Variants in BRINP3 observed in about 807,000 individuals in gnomAD.
BRINP3 encodes BMP/retinoic acid-inducible neural-specific protein 3.
Under a neutral mutation model 71.0 loss-of-function variants are expected in BRINP3, and 19 were observed. The observed-to-expected ratio is 0.27, with a 90% CI of 0.19 to 0.39. The LOEUF (loss-of-function observed/expected upper bound fraction) is 0.39. Among genes scored for constraint, BRINP3 ranks in the 10% least tolerant of loss-of-function variants. The pLI, the probability that BRINP3 is intolerant of heterozygous loss-of-function variation, is 1.00. For synonymous variants in BRINP3, 380 were observed against 337.7 expected (o/e 1.13, Z -1.37); for missense variants, 959 against 940.8 (o/e 1.02, Z -0.25).
chr1:190,269,862 T>C (rs1394097947), intron 3 of BRINP3, among the ~76,000 whole-genome samples: 2 of 152,000 alleles, frequency 1.3e-5, no homozygotes, highest in Admixed American at 1.3e-4. Context: ...ATATCAATAA[T>C]CTACTCCACA....
intron 6 of BRINP3, among the ~76,000 whole-genome samples, chr1:190,185,148 A>T (rs1192045500): frequency 6.6e-6 from 1 of 152,154 alleles, no homozygotes; most frequent in Non-Finnish European, 1.5e-5. Flanking sequence ...CAAAGGAAAT[A>T]ATCAACAGAC....
chr1:190,374,549 CTAGAG>C (rs10565487), intron 2 of BRINP3, among the ~76,000 whole-genome samples: 27,070 of 151,810 alleles, frequency 0.18, 2,509 homozygotes, highest in African/African-American at 0.22. Context: ...GGCAATTTCA[CTAGAG>C]TAAACTGAAA....
chr1:190,236,729 A>T (rs74131323), intron 4 of BRINP3, among the ~76,000 whole-genome samples: 1 of 152,026 alleles, frequency 6.6e-6, no homozygotes, highest in East Asian at 1.9e-4. Flanking sequence ...TGTATGTATA[A>T]TTAATATTTA....
At chr1:190,362,338 A>G (rs1261973442) in intron 2 of BRINP3, 1 of 152,230 alleles carries the variant, frequency 6.6e-6, no homozygotes, top group Non-Finnish European at 1.5e-5. Flanking sequence ...ATACTCTAAC[A>G]GCAGAGCAGA....
intron 2 of BRINP3, among the ~76,000 whole-genome samples, chr1:190,291,979 T>G (rs1426361138): frequency 6.6e-6 from 1 of 152,160 alleles, no homozygotes. Flanking sequence ...AATGAAATAC[T>G]GTCATTTGTG....
At chr1:190,265,519 G>A (rs998995967) in intron 3 of BRINP3, among the ~76,000 whole-genome samples, 12 of 142,416 alleles carry the variant, frequency 8.4e-5, no homozygotes, top group Admixed American at 2.2e-4. Flanking sequence ...GGCTAACACG[G>A]TGAAACCCCG....
intron 2 of BRINP3, among the ~76,000 whole-genome samples, chr1:190,408,857 C>G (rs930286087): frequency 4.7e-4 from 71 of 152,096 alleles, no homozygotes; most frequent in African/African-American, 1.6e-3. Flanking sequence ...AATATCAATA[C>G]TGGGGGAGGC....
At chr1:190,302,094 A>C (rs546033568) in intron 2 of BRINP3, among the ~76,000 whole-genome samples, 1 of 151,356 alleles carries the variant, frequency 6.6e-6, no homozygotes, top group East Asian at 1.9e-4. Flanking sequence ...CAGCCTCCTA[A>C]ATTATCAATA....
rs373361639 is a variant in BRINP3 at position 190,205,543 on chromosome 1, AT to A, written c.961+20538del. ...TGCATTAATTGAGTAAATTCTGTCC[AT>A]TAAGCAGGTCAGAAGCAGACTACAC... On this transcript the variant is annotated intron_variant, in intron 6 of 7. Coordinates refer to ENST00000367462, the MANE Select transcript of BRINP3 (RefSeq NM_199051.3). 2.5e-4 allele frequency among the ~76,000 whole-genome samples: 38 copies of A among 152,214 alleles called. No homozygotes were observed. The East Asian group carries it at 6.2e-3, about 25-fold the overall frequency.
chr1:190,150,910 T>G (rs1317898651), intron 7 of BRINP3, among the ~76,000 whole-genome samples: 1 of 152,122 alleles, frequency 6.6e-6, no homozygotes, highest in Non-Finnish European at 1.5e-5. Context: ...AGATAAATAA[T>G]TCTGATATAC....
At chr1:190,171,663 C>T (rs1425338074) in intron 6 of BRINP3, among the ~76,000 whole-genome samples, 1 of 152,044 alleles carries the variant, frequency 6.6e-6, no homozygotes, top group East Asian at 1.9e-4. Flanking sequence ...CACTAATTCA[C>T]ATATTATTTA....
At chr1:190,252,975 C>T (rs937193303) in intron 4 of BRINP3, among the ~76,000 whole-genome samples, 5 of 151,990 alleles carry the variant, frequency 3.3e-5, no homozygotes, top group Admixed American at 2.0e-4. Context: ...TGTTCCCTGC[C>T]CTTTGTCCAA....
chr1:190,209,451 T>C (rs1271655761), intron 6 of BRINP3, among the ~76,000 whole-genome samples: 2 of 152,098 alleles, frequency 1.3e-5, no homozygotes, highest in Non-Finnish European at 2.9e-5. Flanking sequence ...CTCTAGACAG[T>C]GATACATACA....
chr1:190,136,103 T>A (rs1191724271), intron 7 of BRINP3, among the ~76,000 whole-genome samples: 1 of 152,068 alleles, frequency 6.6e-6, no homozygotes, highest in Non-Finnish European at 1.5e-5. Flanking sequence ...TTTCCTATTT[T>A]GTTAAAGATA....
chr1:190,389,845 G>C (rs537679411), intron 2 of BRINP3, among the ~76,000 whole-genome samples: 85 of 151,726 alleles, frequency 5.6e-4, no homozygotes, highest in Non-Finnish European at 1.1e-3. Context: ...CCGAAATTCT[G>C]ATTAGGGTAG....
At chr1:190,262,815 A>G (rs1661303357) in intron 4 of BRINP3, among the ~76,000 whole-genome samples, 1 of 152,130 alleles carries the variant, frequency 6.6e-6, no homozygotes, top group African/African-American at 2.4e-5. Context: ...ATGAATCATC[A>G]TTATTCCCAT....
chr1:190,452,598 C>T (rs1414144810), intron 2 of BRINP3, among the ~76,000 whole-genome samples: 3 of 152,190 alleles, frequency 2.0e-5, no homozygotes, highest in Non-Finnish European at 4.4e-5. Context: ...GTGGCTCACG[C>T]CTGTAATCCC....
chr1:190,234,303 G>T, intron 5 of BRINP3, 69 bp downstream of exon 5: 1 of 1,195,238 alleles, frequency 8.4e-7, no homozygotes, highest in Non-Finnish European at 1.2e-6. Flanking sequence ...TTAAAAAATG[G>T]AAAAGAAATC....
At chr1:190,371,074 T>A (rs1259320147) in intron 2 of BRINP3, among the ~76,000 whole-genome samples, 1 of 152,148 alleles carries the variant, frequency 6.6e-6, no homozygotes, top group Non-Finnish European at 1.5e-5. Flanking sequence ...TTTTCAATAC[T>A]AGCCTCTTAT....
Sources: gnomAD v4.1 joint callset for allele counts (sites outside exome capture counted in the v4.1 genomes callset) on GRCh38, gnomAD v4.1.1 for gene constraint, MANE v1.5 for transcripts, NCBI Gene and HGNC (gene_info 2026-07-23, HGNC 2026-07-21) for gene names.